Variants in GTF3C1 observed in about 807,000 individuals in gnomAD.
GTF3C1 encodes the protein general transcription factor 3C polypeptide 1.
Under a neutral mutation model 226.7 loss-of-function variants are expected in GTF3C1, and 57 were observed. That is an observed-to-expected ratio of 0.25 (90% CI 0.20 to 0.31). GTF3C1 has a LOEUF of 0.31. GTF3C1 is among the 10% of genes least tolerant of loss of function. GTF3C1 has a pLI of 1.00. For missense variants in GTF3C1, 2,217 were observed against 2,776.1 expected, an observed-to-expected ratio of 0.80 and a Z score of 4.53; for synonymous variants, 1,090 against 1,084.8, an observed-to-expected ratio of 1.00 and a Z score of -0.09.
At chr16:27,516,882 C>A (rs2088666963) in intron 6 of GTF3C1, among the ~76,000 whole-genome samples, 1 of 152,124 alleles carries the variant, frequency 6.6e-6, no homozygotes, top group Admixed American at 6.5e-5. Context: ...ACATTCTTAC[C>A]CTGGCCTCCC....
At chr16:27,493,378 T>C (rs2088262111) in intron 16 of GTF3C1, 82 bp from the exon 17 acceptor site, 1 of 767,394 alleles carries the variant, frequency 1.3e-6, no homozygotes, top group Non-Finnish European at 2.4e-6. Context: ...TCGCCACTAT[T>C]TTCTGACCAT....
At chr16:27,541,089 C>G (rs1335397849) in intron 2 of GTF3C1, among the ~76,000 whole-genome samples, 1 of 152,182 alleles carries the variant, frequency 6.6e-6, no homozygotes, top group Non-Finnish European at 1.5e-5. Context: ...GATCCACCCC[C>G]CTCGGCCTCC....
intron 6 of GTF3C1, among the ~76,000 whole-genome samples, chr16:27,515,324 C>G (rs1056936761): frequency 6.6e-6 from 1 of 152,064 alleles, no homozygotes; most frequent in Non-Finnish European, 1.5e-5. Flanking sequence ...AGGTGTGCAT[C>G]TGTAGTCCCA....
Position 27,462,703 on chromosome 16 carries a change from G to A in GTF3C1, c.5925-217C>T, listed in dbSNP as rs769634456. 7.6e-5 allele frequency: 42 copies of A among 552,850 alleles called. No individual in the cohort carries two copies. The highest frequency in any genetic ancestry group is 1.2e-4 in the Non-Finnish European group (36 of 307,558). The allele number at this position is 552,850 out of a possible 1,614,324, so 34.2% of individuals were successfully genotyped here. On this transcript the variant is annotated intron_variant, in intron 35 of 36. Transcript: ENST00000356183. The surrounding 1 kb of genome is among the most constrained non-coding windows in gnomAD (Gnocchi z 4.5). ...TGGGTGGAACCAGGACGTGGTGTCC[G>A]CTCTGATGTAGCTGTAACTGAGGCC...
At position 27,503,027 on chromosome 16, in the gene GTF3C1, T is replaced by C. The variant is rs774512692; in HGVS notation, c.1771-32A>G. ...CAGAGACCGAAAGCACAAGATGCAATGGGCTCGGCAAGGCTTGGGGGCCAC... is the reference window on the plus strand; with the variant it reads ...CAGAGACCGAAAGCACAAGATGCAACGGGCTCGGCAAGGCTTGGGGGCCAC... On this transcript the variant is annotated intron_variant, in intron 10 of 36. Coordinates refer to ENST00000356183, the MANE Select transcript of GTF3C1 (RefSeq NM_001520.4). 1.1e-5 allele frequency: 18 copies of C among 1,598,072 alleles called. No individual in the cohort carries two copies. The African/African-American group carries it at 2.3e-4, about 20-fold the overall frequency.
In GTF3C1 at chr16:27,462,868, A is replaced by C. The variant is rs2087726462; in HGVS notation, c.5925-382T>G. The C allele has an allele frequency of 1.3e-5, 3 of 234,848 alleles. No individual in the cohort carries two copies. The South Asian group carries it at 3.0e-4, about 23-fold the overall frequency. 14.5% of individuals were successfully genotyped at this position (234,848 alleles called of 1,614,324 possible). ...GAGCGTGACCCTGAAGCTCTGCTCC[A>C]CGCCATGTGCAGAGTTCCAGGCACA... On this transcript the variant is annotated intron_variant, in intron 35 of 36. Coordinates refer to ENST00000356183, the MANE Select transcript of GTF3C1 (RefSeq NM_001520.4). The surrounding 1 kb of genome is among the most constrained non-coding windows in gnomAD (Gnocchi z 4.5).
At chr16:27,478,428 T>C (rs1445669716) in intron 28 of GTF3C1, 41 bp downstream of exon 28, 1 of 1,291,016 alleles carries the variant, frequency 7.7e-7, no homozygotes, top group African/African-American at 1.5e-5. Context: ...ATCAAGTTAT[T>C]AAGCAGCTGA....
At position 27,464,579 on chromosome 16, in the gene GTF3C1, C is replaced by T. The variant is rs2141340112; in HGVS notation, c.5613G>A (p.Gly1871=). The T allele has an allele frequency of 2.0e-6, 3 of 1,492,926 alleles. No individual in the cohort carries two copies. Among genetic ancestry groups the T allele is most frequent in the Middle Eastern group, 1.8e-4 (1 of 5,518 alleles). 92.5% of individuals were successfully genotyped at this position (1,492,926 alleles called of 1,614,324 possible). The stretch of plus-strand genomic sequence containing the variant: ...TCTGGGTGCCCTCGGCGTCGGTCTC[C>T]CCATTCTCACTGGCCCAGCTGGCGC... ...KRRASWASEN[G]ETDAEGTQMT... Residue 1871 remains glycine (G), a synonymous_variant, in exon 34 of 37, where the codon GGG becomes GGA. Coordinates refer to ENST00000356183, the MANE Select transcript of GTF3C1 (RefSeq NM_001520.4).
At chr16:27,516,987 G>A (rs2088668594) in intron 6 of GTF3C1, among the ~76,000 whole-genome samples, 1 of 152,108 alleles carries the variant, frequency 6.6e-6, no homozygotes, top group East Asian at 1.9e-4. Context: ...CCAGCACTGT[G>A]GTAGGGAAGC....
chr16:27,506,784 G>A lies in GTF3C1; in HGVS notation c.1552+63C>T, dbSNP rs2088491794. On this transcript the variant is annotated intron_variant, in intron 9 of 36. Coordinates refer to ENST00000356183, the MANE Select transcript of GTF3C1 (RefSeq NM_001520.4). ...CAGGTGTTTGCTGAACTGAAGGGGT[G>A]TTTCTTGCAGGTGCCCAGCAGTGCA... The A allele has an allele frequency of 3.9e-6, 5 of 1,270,928 alleles. No individual in the cohort carries two copies. In the South Asian group the frequency reaches 7.3e-5, roughly 19 times the overall value. 78.7% of individuals were successfully genotyped at this position (1,270,928 alleles called of 1,614,324 possible). A position where few individuals can be genotyped will look rare whatever the true frequency, so the allele number is the denominator to read the frequency against.
In GTF3C1 at chr16:27,505,879, C is replaced by G. The variant is rs370966933; in HGVS notation, c.1770+20G>C. Reference sequence around the variant, plus strand: ...CAGACTCCTTCTTGGAGACAGCTCCCTCCCTCTGCATGCACTGACCTTTGG... The same window carrying G: ...CAGACTCCTTCTTGGAGACAGCTCCGTCCCTCTGCATGCACTGACCTTTGG... On this transcript the variant is annotated intron_variant, in intron 10 of 36. Transcript: ENST00000356183. 3.1e-5 allele frequency: 42 copies of G among 1,367,904 alleles called. No homozygotes were observed. Among genetic ancestry groups the G allele is most frequent in the Non-Finnish European group, 4.0e-5 (38 of 955,982 alleles). 84.7% of individuals were successfully genotyped at this position (1,367,904 alleles called of 1,614,324 possible).
At chr16:27,528,257 C>T (rs958628434) in intron 6 of GTF3C1, among the ~76,000 whole-genome samples, 6 of 151,620 alleles carry the variant, frequency 4.0e-5, no homozygotes, top group Non-Finnish European at 5.9e-5. Flanking sequence ...GCGACAAAAG[C>T]GAGACTGCCT....
In GTF3C1 at chr16:27,506,847, C is replaced by T; in HGVS notation, c.1552G>A (p.Gly518Ser). ...CCTGCCCACCCCACGTGCTCCCTAC[C>T]CTTGGTTGGGGTGGAGTGATGAGGC... is the stretch of plus-strand genomic sequence containing the variant. ...TQPHHSTPTK[G>S]GWKVVNLHPL... Residue 518 changes from glycine to serine, a missense_variant and splice_region_variant, in exon 9 of 37, where the codon GGT (glycine) becomes AGT (serine). Physicochemically the swap from Gly to Ser is moderately conservative, Grantham distance 56. This residue lies in a region of GTF3C1 where 173 missense variants were observed against 207.2 expected (regional missense o/e 0.83). Transcript: ENST00000356183. 1 of 1,603,004 alleles carries T rather than the reference C, an allele frequency of 6.2e-7. No individual in the cohort carries two copies. The highest frequency in any genetic ancestry group is 8.5e-7 in the Non-Finnish European group (1 of 1,174,248).
In GTF3C1 at chr16:27,488,911, C is replaced by G. The variant is rs148155326; in HGVS notation, c.3429+132G>C. On this transcript the variant is annotated intron_variant, in intron 21 of 36. Transcript: ENST00000356183. ...CACTGGGAATAAAACAGGCCAGGCA[C>G]ACATTTAAGGGGCCTGACGCACCTT... 1.1e-4 allele frequency: 88 copies of G among 826,014 alleles called. 1 individual carries two copies. The East Asian group carries it at 2.1e-3, about 20-fold the overall frequency. The allele number at this position is 826,014 out of a possible 1,614,324, so 51.2% of individuals were successfully genotyped here. A position where few individuals can be genotyped will look rare whatever the true frequency, so the allele number is the denominator to read the frequency against.
rs747649061 is a variant in GTF3C1 at position 27,495,448 on chromosome 16, G to A, written c.2395C>T (p.Arg799Cys). Reference sequence around the variant, plus strand: ...AGAAACATGTGGACCACCCGCAGGCGAGGCATTTTGGGCAGAAATCCTAGA... The same window carrying A: ...AGAAACATGTGGACCACCCGCAGGCAAGGCATTTTGGGCAGAAATCCTAGA... The part of the protein sequence containing the change: ...RSLGFLPKMP[R>C]LRVVHMFLWY... The change falls in exon 15 of 37, where the codon CGC (arginine) becomes TGC (cysteine). Residue 799 changes from arginine (R) to cysteine (C), a missense_variant. Around this residue, in one of 12 missense-constraint regions of GTF3C1, gnomAD observed 100 missense variants for 139.9 expected, o/e 0.71. Transcript: ENST00000356183. 1.9e-6 allele frequency: 3 copies of A among 1,614,014 alleles called. No individual in the cohort carries two copies. The highest frequency in any genetic ancestry group is 2.5e-6 in the Non-Finnish European group (3 of 1,179,962).
chr16:27,494,918 A>T lies in GTF3C1; in HGVS notation c.2633-10T>A. Reference sequence around the variant, plus strand: ...GCATCGTCGACATACACTAGGAAAAAAACGCACGGTTACCCCCGGCAGCCA... The same window carrying T: ...GCATCGTCGACATACACTAGGAAAATAACGCACGGTTACCCCCGGCAGCCA... On this transcript the variant is annotated splice_polypyrimidine_tract_variant and intron_variant, in intron 15 of 36. Transcript: ENST00000356183. 6.2e-7 allele frequency: 1 copy of T among 1,611,714 alleles called. No individual in the cohort carries two copies. The highest frequency in any genetic ancestry group is 8.5e-7 in the Non-Finnish European group (1 of 1,178,254).
intron 24 of GTF3C1, among the ~76,000 whole-genome samples, chr16:27,485,717 C>G (rs539864329): frequency 2.3e-4 from 35 of 152,332 alleles, no homozygotes; most frequent in Non-Finnish European, 3.7e-4. Context: ...CAGGGTGCGC[C>G]TGTAGTCCCA....
At chr16:27,545,755 T>C (rs2089153393) in intron 1 of GTF3C1, among the ~76,000 whole-genome samples, 1 of 152,214 alleles carries the variant, frequency 6.6e-6, no homozygotes, top group Non-Finnish European at 1.5e-5. Context: ...TGCTGGGACC[T>C]AAACCTCCTT....
In GTF3C1 at chr16:27,488,074, G is replaced by A; in HGVS notation, c.3700+153C>T. 6.4e-6 allele frequency: 4 copies of A among 622,432 alleles called. No individual in the cohort carries two copies. In the East Asian group the frequency reaches 7.9e-5, roughly 12 times the overall value. The allele number at this position is 622,432 out of a possible 1,614,324, so 38.6% of individuals were successfully genotyped here. ...TCTGCCAAATGGATGTGGAAATAAA[G>A]CAACCATCATAGAGAGTCAGCGCCA... On this transcript the variant is annotated intron_variant, in intron 23 of 36. Transcript: ENST00000356183.
Sources: gnomAD v4.1 joint callset for allele counts (sites outside exome capture counted in the v4.1 genomes callset) on GRCh38, gnomAD v4.1.1 for gene constraint, gnomAD v4.1.1 regional missense constraint, Gnocchi (gnomAD v3.1) non-coding constraint, MANE v1.5 for transcripts, NCBI Gene and HGNC (gene_info 2026-07-23, HGNC 2026-07-21) for gene names.